The following ZNF681 variants were observed in gnomAD, a reference collection of about 807,000 sequenced individuals.
ZNF681 encodes hypothetical protein FLJ31526.
In ZNF681, 37 loss-of-function variants were observed where a neutral mutation model predicts 56.0. That is an observed-to-expected ratio of 0.66 (90% confidence interval 0.51 to 0.87). The LOEUF (loss-of-function observed/expected upper bound fraction) is 0.87, where lower values mean the gene tolerates loss of function less well. Among genes scored for constraint, ZNF681 ranks in the 40% least tolerant of loss-of-function variants. The pLI, the probability that ZNF681 is intolerant of heterozygous loss-of-function variation, is 0.00. For synonymous variants in ZNF681, 225 were observed against 248.6 expected, an observed-to-expected ratio of 0.91 and a Z score of 0.89; for missense variants, 741 against 744.9, an observed-to-expected ratio of 0.99 and a Z score of 0.06.
rs367778239 is a variant in ZNF681, at chr19:23,754,164, GAACTT to G, written c.226+654_226+658del. On this transcript the variant is annotated intron_variant, in intron 3 of 3. Transcript: ENST00000402377. ...ACATTTCAGAGATGATGCAAAAAAA[GAACTT>G]AACAGAGTTTCTCAAAATTATGCAG... Among the ~76,000 whole-genome samples the G allele has an allele frequency of 3.7e-3, 569 of 151,770 alleles. 4 individuals are homozygous for G. The highest frequency in any genetic ancestry group is 0.013 in the African/African-American group (538 of 41,364).
chr19:23,754,685 A>G, intron 3 of ZNF681, 138 bp downstream of exon 3: 1 of 766,052 alleles, frequency 1.3e-6, no homozygotes, highest in African/African-American at 1.8e-5. Context: ...AAGAAAAGAA[A>G]AGAAAAACTC....
chr19:23,755,383 C>T (rs768974612), intron 2 of ZNF681, 42 bp downstream of exon 2: 18 of 1,574,444 alleles, frequency 1.1e-5, no homozygotes, highest in Admixed American at 2.0e-5. Flanking sequence ...AAAATGAAAC[C>T]TTTAGGGTAT....
At chr19:23,749,607 TA>T (rs75741075) in intron 3 of ZNF681, among the ~76,000 whole-genome samples, 4,092 of 137,266 alleles carry the variant, frequency 0.03, 77 homozygotes, top group African/African-American at 0.065. Context: ...ATGCCTGGGT[TA>T]AAAAAAAAAA....
chr19:23,749,888 C>T (rs1294293268), intron 3 of ZNF681, among the ~76,000 whole-genome samples: 2 of 151,698 alleles, frequency 1.3e-5, no homozygotes, highest in Non-Finnish European at 2.9e-5. Flanking sequence ...TTGTCTCACA[C>T]AGAGCAAATA....
rs1227129293 is a variant in ZNF681 at position 23,744,724 on chromosome 19, G to C, written c.826C>G (p.His276Asp). The C allele has an allele frequency of 3.1e-6, 5 of 1,613,940 alleles. No homozygotes were observed. The highest frequency in any genetic ancestry group is 3.3e-5 in the Admixed American group (2 of 60,004). ...CGTTTGTAGGGATTCTCTCCAGTAT[G>C]AATTATTGTATGTGTTGTAATGTGT... is the stretch of plus-strand genomic sequence containing the variant. ...SSHITTHTII[H>D]TGENPYKREE... Residue 276 changes from histidine to aspartate, a missense_variant, in exon 4 of 4, where the codon CAT (histidine) becomes GAT (aspartate). By Grantham distance (81) the His-to-Asp change is moderately conservative. Coordinates refer to ENST00000402377, the MANE Select transcript of ZNF681 (RefSeq NM_138286.3).
Position 23,743,708 on chromosome 19 carries a change from A to G in ZNF681, c.1842T>C (p.Gly614=). The G allele has an allele frequency of 1.9e-6, 3 of 1,611,128 alleles. No homozygotes were observed. In the South Asian group the frequency reaches 3.3e-5, roughly 18 times the overall value. ...NLTGHKKIHT[G]EKLYKPKRCN... is the part of the protein sequence containing the mutation. Reference sequence around the variant, plus strand: ...ATCTTTTAGGTTTGTAGAGTTTCTCACCAGTATGAATTTTCTTATGTCCAG... The same window carrying G: ...ATCTTTTAGGTTTGTAGAGTTTCTCGCCAGTATGAATTTTCTTATGTCCAG... Residue 614 remains glycine, a synonymous_variant, in exon 4 of 4, where the codon GGT becomes GGC. Transcript: ENST00000402377.
Position 23,740,118 on chromosome 19 carries a change from T to G in ZNF681, c.*3494A>C, listed in dbSNP as rs576051224. The G allele has an allele frequency of 6.6e-6, 1 of 152,322 alleles. No homozygotes were observed. The highest frequency in any genetic ancestry group is 1.5e-5 in the Non-Finnish European group (1 of 68,016). 9.4% of individuals were successfully genotyped at this position (152,322 alleles called of 1,614,324 possible). On this transcript the variant is annotated 3_prime_UTR_variant, in exon 4 of 4. Coordinates refer to ENST00000402377, the MANE Select transcript of ZNF681 (RefSeq NM_138286.3). ...TTTAACAAACAGAGAAAAACAACGC[T>G]AAATGATTTAATCCTTTCATCTGTG...
Position 23,745,119 on chromosome 19 carries a change from C to T in ZNF681, c.431G>A (p.Cys144Tyr). 1 of 1,610,574 alleles carries T rather than the reference C, an allele frequency of 6.2e-7. No homozygotes were observed. The highest frequency in any genetic ancestry group is 8.5e-7 in the Non-Finnish European group (1 of 1,178,400). Reference sequence around the variant, plus strand: ...ATGAAAGATTTTCATATATTTATCACATTGAAATATTTTGCTCTGGGTAGT... The same window carrying T: ...ATGAAAGATTTTCATATATTTATCATATTGAAATATTTTGCTCTGGGTAGT... ...LPTTQSKIFQ[C>Y]DKYMKIFHKF... is the part of the protein sequence containing the mutation. Residue 144 changes from cysteine (C) to tyrosine (Y), a missense_variant, in exon 4 of 4, where the codon TGT becomes TAT. Physicochemically the swap from Cys to Tyr is radical, Grantham distance 194. Transcript: ENST00000402377.
chr19:23,744,530 A>T lies in ZNF681; in HGVS notation c.1020T>A (p.Cys340Ter). The T allele has an allele frequency of 6.2e-7, 1 of 1,613,156 alleles. No individual in the cohort carries two copies. The highest frequency in any genetic ancestry group is 8.5e-7 in the Non-Finnish European group (1 of 1,179,446). ...IIHTGEKPYK[C>*]EECGKAFNQS... ...GGTTAAAGGCTTTGCCACATTCTTCACATTTGTAGGGTTTCTCTCCAGTAT... is the reference window on the plus strand; with the variant it reads ...GGTTAAAGGCTTTGCCACATTCTTCTCATTTGTAGGGTTTCTCTCCAGTAT... Residue 340 changes from cysteine (C) to a stop codon, truncating the protein, a stop_gained, in exon 4 of 4, where the codon TGT (cysteine) becomes TGA (stop). Transcript: ENST00000402377. LOFTEE classifies it high-confidence loss of function.
chr19:23,758,842 G>A lies in ZNF681; in HGVS notation c.-93C>T, dbSNP rs73024031. ...AGAGGCTGGGCCTCTAGAAGAAGAG[G>A]ACACAGAGCAGTGAAGACGAGACCC... is the stretch of plus-strand genomic sequence containing the variant. On this transcript the variant is annotated 5_prime_UTR_variant, in exon 1 of 4. Coordinates refer to ENST00000402377, the MANE Select transcript of ZNF681 (RefSeq NM_138286.3). The A allele has an allele frequency of 0.01, 15,842 of 1,573,354 alleles. 90 individuals are homozygous for A. Among genetic ancestry groups the A allele is most frequent in the Non-Finnish European group, 0.012 (14,152 of 1,148,576 alleles).
chr19:23,749,769 C>T (rs960494725), intron 3 of ZNF681, among the ~76,000 whole-genome samples: 2 of 150,586 alleles, frequency 1.3e-5, no homozygotes, highest in Non-Finnish European at 2.9e-5. Flanking sequence ...AGATTTAAGA[C>T]AATACATTTT....
At chr19:23,757,032 GGCTAAT>G (rs2144856734) in intron 1 of ZNF681, among the ~76,000 whole-genome samples, 2 of 151,970 alleles carry the variant, frequency 1.3e-5, no homozygotes, top group South Asian at 4.2e-4. Flanking sequence ...CACCATGCCT[GGCTAAT>G]GTTTGTATTT....
intron 3 of ZNF681, among the ~76,000 whole-genome samples, chr19:23,753,883 A>G (rs929351662): frequency 1.4e-5 from 2 of 145,678 alleles, no homozygotes; most frequent in African/African-American, 2.5e-5. Context: ...AAAAAGTGCC[A>G]TGTTATTCAA....
Position 23,741,947 on chromosome 19 carries a change from TTC to T in ZNF681, c.*1663_*1664del, listed in dbSNP as rs1486451258. Reference sequence around the variant, plus strand: ...AATAATTCAACCTACAGGAATAATATTCTCTGACTTATTTGCAATTTAAAGCC... The same window carrying T: ...AATAATTCAACCTACAGGAATAATATTCTGACTTATTTGCAATTTAAAGCC... On this transcript the variant is annotated 3_prime_UTR_variant, in exon 4 of 4. Coordinates refer to ENST00000402377, the MANE Select transcript of ZNF681 (RefSeq NM_138286.3). 1 of 151,990 alleles carries T rather than the reference TTC, an allele frequency of 6.6e-6. No individual in the cohort carries two copies. The highest frequency in any genetic ancestry group is 1.5e-5 in the Non-Finnish European group (1 of 67,994). The allele number at this position is 151,990 out of a possible 1,614,324, so 9.4% of individuals were successfully genotyped here.
Position 23,758,769 on chromosome 19 carries a change from C to T in ZNF681, c.-20G>A, listed in dbSNP as rs1443321659. On this transcript the variant is annotated 5_prime_UTR_variant, in exon 1 of 4. Coordinates refer to ENST00000402377, the MANE Select transcript of ZNF681 (RefSeq NM_138286.3). ...CACCATTTCTAGGTTTCCGGGGGAC[C>T]TGGCGTCTTAGCTATGGATCGCCAA... 15 of 1,614,102 alleles carry T rather than the reference C, an allele frequency of 9.3e-6. No homozygotes were observed. The highest frequency in any genetic ancestry group is 8.5e-7 in the Non-Finnish European group (1 of 1,180,040).
intron 1 of ZNF681, 48 bp downstream of exon 1, chr19:23,758,699 G>A (rs145275559): frequency 6.2e-7 from 1 of 1,614,066 alleles, no homozygotes; most frequent in Non-Finnish European, 8.5e-7. Flanking sequence ...TCTGAGTCCC[G>A]CCACAGCCCC....
chr19:23,753,729 T>C (rs1214571607), intron 3 of ZNF681, among the ~76,000 whole-genome samples: 1 of 151,674 alleles, frequency 6.6e-6, no homozygotes, highest in African/African-American at 2.4e-5. Flanking sequence ...GGCCTGGTGG[T>C]GAGCACCTGT....
chr19:23,746,712 T>C (rs115415884), intron 3 of ZNF681, among the ~76,000 whole-genome samples: 1,799 of 152,296 alleles, frequency 0.012, 41 homozygotes, highest in African/African-American at 0.04. Flanking sequence ...GGTTGTACCA[T>C]AGATAAACTA....
intron 3 of ZNF681, among the ~76,000 whole-genome samples, chr19:23,753,569 A>G (rs1487925041): frequency 6.6e-6 from 1 of 152,308 alleles, no homozygotes. Flanking sequence ...AATACTGTTA[A>G]AGTGCCATGT....
Sources: gnomAD v4.1 joint callset for allele counts (sites outside exome capture counted in the v4.1 genomes callset) on GRCh38, gnomAD v4.1.1 for gene constraint, MANE v1.5 for transcripts, NCBI Gene and HGNC (gene_info 2026-07-23, HGNC 2026-07-21) for gene names.